The following KLHL20 variants were observed in gnomAD, a reference collection of about 807,000 sequenced individuals.
KLHL20 encodes the protein kelch-like protein 20.
In KLHL20, 29 loss-of-function variants were observed where a neutral mutation model predicts 69.5. The ratio of observed to expected loss-of-function variants is 0.42; its 90% confidence interval spans 0.31 to 0.57. The LOEUF (loss-of-function observed/expected upper bound fraction) is 0.57, where lower values mean the gene tolerates loss of function less well. Ranked by LOEUF, KLHL20 falls within the 20% of genes least tolerant of loss-of-function variation. The pLI, the probability that KLHL20 is intolerant of heterozygous loss-of-function variation, is 0.18. For missense variants in KLHL20, 419 were observed against 776.0 expected (o/e 0.54, Z 5.47); for synonymous variants, 253 against 265.2 (o/e 0.95, Z 0.45).
At chr1:173,755,066 T>TTC (rs917776572) in intron 5 of KLHL20, among the ~76,000 whole-genome samples, 12 of 151,138 alleles carry the variant, frequency 7.9e-5, no homozygotes, top group Admixed American at 1.3e-4. Context: ...TGTCTTTTTT[T>TTC]TTTTTTTTTT....
In KLHL20 at chr1:173,782,222, T is replaced by C; in HGVS notation, c.1737T>C (p.Asn579=). The C allele has an allele frequency of 1.2e-6, 2 of 1,611,870 alleles. No homozygotes were observed. Among genetic ancestry groups the C allele is most frequent in the Non-Finnish European group, 1.7e-6 (2 of 1,178,002 alleles). Reference sequence around the variant, plus strand: ...TAGAAGTTTTTGATCCTGATGCCAATACATGGAGGTAACTTTTAAGCTGTG... The same window carrying C: ...TAGAAGTTTTTGATCCTGATGCCAACACATGGAGGTAACTTTTAAGCTGTG... ...KTIEVFDPDA[N]TWRLYGGMNY... is the part of the protein sequence containing the mutation. Residue 579 remains asparagine (N), a synonymous_variant, in exon 11 of 12, where the codon AAT becomes AAC. Coordinates refer to ENST00000209884, the MANE Select transcript of KLHL20 (RefSeq NM_014458.4).
Position 173,785,316 on chromosome 1 carries a change from A to G in KLHL20, c.*69A>G, listed in dbSNP as rs1432506512. ...GAGCTTTGACCTTGGAGCTTTGTACAGCTTGAGAAAACATTAGAACAAATT... is the reference window on the plus strand; with the variant it reads ...GAGCTTTGACCTTGGAGCTTTGTACGGCTTGAGAAAACATTAGAACAAATT... On this transcript the variant is annotated 3_prime_UTR_variant, in exon 12 of 12. Coordinates refer to ENST00000209884, the MANE Select transcript of KLHL20 (RefSeq NM_014458.4). 14 of 1,058,460 alleles carry G rather than the reference A, an allele frequency of 1.3e-5. No individual in the cohort carries two copies. The highest frequency in any genetic ancestry group is 1.7e-5 in the Non-Finnish European group (13 of 745,488). 65.6% of individuals were successfully genotyped at this position (1,058,460 alleles called of 1,614,324 possible).
intron 2 of KLHL20, 109 bp downstream of exon 2, chr1:173,716,175 A>T: frequency 1.0e-6 from 1 of 958,422 alleles, no homozygotes; most frequent in Non-Finnish European, 1.6e-6. Context: ...CTTGGAACTA[A>T]TGAGTCTTGT....
At chr1:173,766,432 C>T in intron 8 of KLHL20, 143 bp downstream of exon 8, 2 of 499,476 alleles carry the variant, frequency 4.0e-6, no homozygotes, top group Non-Finnish European at 6.4e-6. Flanking sequence ...ATTGCTTGAA[C>T]TCAGGAGTTC....
At chr1:173,775,187 G>C (rs1479495855) in intron 9 of KLHL20, among the ~76,000 whole-genome samples, 2 of 151,682 alleles carry the variant, frequency 1.3e-5, no homozygotes, top group East Asian at 3.8e-4. Flanking sequence ...AGTCACACCA[G>C]ATTCGTCACG....
intron 3 of KLHL20, among the ~76,000 whole-genome samples, chr1:173,735,962 A>T (rs561619105): frequency 3.9e-3 from 410 of 104,386 alleles, no homozygotes; most frequent in Non-Finnish European, 5.1e-3. Flanking sequence ...TTTTTTTGAG[A>T]TGGAGTCTCA....
At chr1:173,752,069 C>G in intron 4 of KLHL20, 147 bp downstream of exon 4, 1 of 676,982 alleles carries the variant, frequency 1.5e-6, no homozygotes, top group South Asian at 2.1e-5. Context: ...AACCCTGTCT[C>G]TACTAAAAAT....
At chr1:173,779,700 T>A (rs1331031236) in intron 10 of KLHL20, among the ~76,000 whole-genome samples, 1 of 152,148 alleles carries the variant, frequency 6.6e-6, no homozygotes, top group Non-Finnish European at 1.5e-5. Context: ...TCTCCCCAAA[T>A]TATCTACTAC....
chr1:173,720,496 A>AT (rs1378416713), intron 2 of KLHL20, among the ~76,000 whole-genome samples: 1 of 152,220 alleles, frequency 6.6e-6, no homozygotes, highest in Non-Finnish European at 1.5e-5. Context: ...TCCTTTAGGT[A>AT]TTTAAGAGCC....
intron 3 of KLHL20, among the ~76,000 whole-genome samples, chr1:173,742,644 C>T (rs569167286): frequency 6.0e-5 from 9 of 149,512 alleles, no homozygotes; most frequent in Admixed American, 2.7e-4. Flanking sequence ...CGTGTATATA[C>T]GTGTATGTAT....
intron 8 of KLHL20, among the ~76,000 whole-genome samples, chr1:173,771,771 A>G (rs887877788): frequency 3.3e-5 from 5 of 152,178 alleles, no homozygotes; most frequent in African/African-American, 4.8e-5. Flanking sequence ...GTCTCTAAAA[A>G]TAAAAATAAA....
intron 2 of KLHL20, among the ~76,000 whole-genome samples, chr1:173,721,029 A>T (rs1431338354): frequency 6.6e-6 from 1 of 152,134 alleles, no homozygotes; most frequent in Non-Finnish European, 1.5e-5. Flanking sequence ...GGCATAAGTG[A>T]TGGTAGAACA....
intron 8 of KLHL20, among the ~76,000 whole-genome samples, 190 bp downstream of exon 8, chr1:173,766,479 CAAAAAA>C (rs1216941305): frequency 1.5e-4 from 15 of 99,388 alleles, no homozygotes; most frequent in Admixed American, 3.2e-4. Flanking sequence ...ATAAAAAATA[CAAAAAA>C]AAAAAAAAAA....
At chr1:173,782,103 T>A in intron 10 of KLHL20, 21 bp from the exon 11 acceptor site, 7 of 1,553,680 alleles carry the variant, frequency 4.5e-6, no homozygotes, top group Non-Finnish European at 6.2e-6. Flanking sequence ...TTCAGCAGCT[T>A]ACTGTATTTT....
chr1:173,784,682 A>G (rs1649092999), intron 11 of KLHL20, among the ~76,000 whole-genome samples: 2 of 152,316 alleles, frequency 1.3e-5, no homozygotes, highest in African/African-American at 4.8e-5. Context: ...ACTTTACTCA[A>G]ATCTGGTTTT....
chr1:173,746,672 A>C lies in KLHL20; in HGVS notation c.598-5092A>C, dbSNP rs1252614654. Among the ~76,000 whole-genome samples the C allele has an allele frequency of 5.9e-5, 9 of 151,984 alleles. No homozygotes were observed. The South Asian group carries it at 6.2e-4, about 10-fold the overall frequency. Reference sequence around the variant, plus strand: ...ATAAGTTAACTAATAATCCATTTTAACTTTTTTCAAACAAAGAGGATTTTT... The same window carrying C: ...ATAAGTTAACTAATAATCCATTTTACCTTTTTTCAAACAAAGAGGATTTTT... On this transcript the variant is annotated intron_variant, in intron 3 of 11. Transcript: ENST00000209884.
In KLHL20 at chr1:173,756,834, G is replaced by A. The variant is rs918247276; in HGVS notation, c.968-142G>A. The stretch of plus-strand genomic sequence containing the variant: ...GATTATAGCAATCCCAGTGGAATGA[G>A]TTGAAGTCATAACTTGCATTTTGAC... On this transcript the variant is annotated intron_variant, in intron 6 of 11. Coordinates refer to ENST00000209884, the MANE Select transcript of KLHL20 (RefSeq NM_014458.4). 7 of 635,088 alleles carry A rather than the reference G, an allele frequency of 1.1e-5. No homozygotes were observed. In the African/African-American group the frequency reaches 1.3e-4, roughly 12 times the overall value. 39.3% of individuals were successfully genotyped at this position (635,088 alleles called of 1,614,324 possible).
At position 173,785,490 on chromosome 1, in the gene KLHL20, C is replaced by G. The variant is rs1478867102; in HGVS notation, c.*243C>G. 2.1e-5 allele frequency: 5 copies of G among 234,390 alleles called. No homozygotes were observed. In the South Asian group the frequency reaches 7.1e-4, roughly 33 times the overall value. The allele number at this position is 234,390 out of a possible 1,614,324, so 14.5% of individuals were successfully genotyped here. A position where few individuals can be genotyped will look rare whatever the true frequency, so the allele number is the denominator to read the frequency against. On this transcript the variant is annotated 3_prime_UTR_variant, in exon 12 of 12. Coordinates refer to ENST00000209884, the MANE Select transcript of KLHL20 (RefSeq NM_014458.4). Reference sequence around the variant, plus strand: ...GGTTTTTTGTTGTTTTCGTTTTGAACTTATCCTTCCTCCCACAAAAAAAGA... The same window carrying G: ...GGTTTTTTGTTGTTTTCGTTTTGAAGTTATCCTTCCTCCCACAAAAAAAGA...
At chr1:173,780,508 C>CG (rs1648791926) in intron 10 of KLHL20, among the ~76,000 whole-genome samples, 1 of 152,026 alleles carries the variant, frequency 6.6e-6, no homozygotes, top group Non-Finnish European at 1.5e-5. Context: ...GGGCCAGGTG[C>CG]GGTGGCTCAT....
Sources: gnomAD v4.1 joint callset for allele counts (sites outside exome capture counted in the v4.1 genomes callset) on GRCh38, gnomAD v4.1.1 for gene constraint, MANE v1.5 for transcripts, NCBI Gene and HGNC (gene_info 2026-07-23, HGNC 2026-07-21) for gene names.